The following NYAP2 variants were observed in gnomAD, a reference collection of about 807,000 sequenced individuals.
NYAP2 encodes the protein neuronal tyrosine-phosphorylated phosphoinositide-3-kinase adaptor 2, also known as neuronal tyrosine-phosphorylated phosphoinositide-3-kinase adapter 2.
Under a neutral mutation model 50.4 loss-of-function variants are expected in NYAP2, and 23 were observed. The observed-to-expected ratio is 0.46, with a 90% CI of 0.33 to 0.65. The LOEUF is 0.65. Ranked by LOEUF, NYAP2 falls within the 30% of genes least tolerant of loss-of-function variation. NYAP2 has a pLI of 0.02. For missense variants in NYAP2, 885 were observed against 861.0 expected, an observed-to-expected ratio of 1.03 and a Z score of -0.35; for synonymous variants, 394 against 365.2, an observed-to-expected ratio of 1.08 and a Z score of -0.90.
intron 3 of NYAP2, among the ~76,000 whole-genome samples, chr2:225,480,759 T>C (rs1267607128): frequency 6.6e-6 from 1 of 152,136 alleles, no homozygotes; most frequent in Admixed American, 6.5e-5. Context: ...AAAACTTGTA[T>C]ACTATGATCT....
intron 4 of NYAP2, among the ~76,000 whole-genome samples, chr2:225,549,806 A>AC (rs1254625914): frequency 1.3e-5 from 2 of 151,552 alleles, no homozygotes; most frequent in Non-Finnish European, 2.9e-5. Context: ...ACATGGTGAA[A>AC]CCCCCCTGTT....
chr2:225,685,167 GAGTATT>G, the NYAP2 span, among the ~76,000 whole-genome samples: 1 of 152,146 alleles, frequency 6.6e-6, no homozygotes, highest in Admixed American at 6.5e-5. Flanking sequence ...GTCTGTTCTT[GAGTATT>G]AGTATGTTTT....
At chr2:225,444,839 ATG>A (rs1465608656) in intron 3 of NYAP2, among the ~76,000 whole-genome samples, 4 of 152,240 alleles carry the variant, frequency 2.6e-5, no homozygotes, top group Non-Finnish European at 5.9e-5. Context: ...ATATAATAGC[ATG>A]TTAAAAGACA....
chr2:225,477,526 G>A (rs1343352079), intron 3 of NYAP2, among the ~76,000 whole-genome samples: 3 of 151,862 alleles, frequency 2.0e-5, no homozygotes, highest in Non-Finnish European at 4.4e-5. Flanking sequence ...GTGAGCCACC[G>A]TGCCCGGCCG....
intron 3 of NYAP2, among the ~76,000 whole-genome samples, chr2:225,459,551 G>A (rs1689791058): frequency 6.6e-6 from 1 of 152,082 alleles, no homozygotes; most frequent in Non-Finnish European, 1.5e-5. Flanking sequence ...GAATAATTAA[G>A]CATATATACA....
chr2:225,500,542 A>C (rs1690587153), intron 3 of NYAP2, among the ~76,000 whole-genome samples: 1 of 152,200 alleles, frequency 6.6e-6, no homozygotes, highest in Non-Finnish European at 1.5e-5. Flanking sequence ...CTGTGCTCAA[A>C]TATTTTCAAT....
At chr2:225,608,490 A>C (rs1429086402) in intron 5 of NYAP2, among the ~76,000 whole-genome samples, 1 of 152,122 alleles carries the variant, frequency 6.6e-6, no homozygotes, top group Non-Finnish European at 1.5e-5. Context: ...GTAGCCTGCC[A>C]CTTAAAACAT....
intron 3 of NYAP2, among the ~76,000 whole-genome samples, chr2:225,452,560 G>A (rs761607346): frequency 1.3e-5 from 2 of 152,044 alleles, no homozygotes; most frequent in Non-Finnish European, 2.9e-5. Flanking sequence ...TTACCACTTA[G>A]GGCCTCAATA....
chr2:225,647,666 A>T (rs1345632580), intron 6 of NYAP2, among the ~76,000 whole-genome samples: 1 of 152,160 alleles, frequency 6.6e-6, no homozygotes, highest in Non-Finnish European at 1.5e-5. Context: ...GAGTATCTTC[A>T]GTGAAAGAAA....
At chr2:225,506,015 C>T (rs770972662) in intron 3 of NYAP2, among the ~76,000 whole-genome samples, 1 of 151,538 alleles carries the variant, frequency 6.6e-6, no homozygotes, top group Non-Finnish European at 1.5e-5. Flanking sequence ...GGTGATCCAA[C>T]GTTTGTTTGG....
At chr2:225,569,437 G>GA (rs981914845) in intron 4 of NYAP2, among the ~76,000 whole-genome samples, 55 of 151,560 alleles carry the variant, frequency 3.6e-4, no homozygotes, top group African/African-American at 1.3e-3. Flanking sequence ...AAGGAGGAGT[G>GA]AGGGGGGGAG....
chr2:225,458,398 A>G (rs186761212), intron 3 of NYAP2, among the ~76,000 whole-genome samples: 1 of 152,366 alleles, frequency 6.6e-6, no homozygotes, highest in Non-Finnish European at 1.5e-5. Flanking sequence ...GTCAGAATCT[A>G]TAGATAAAAT....
chr2:225,621,844 CA>C (rs1693109566), intron 5 of NYAP2, among the ~76,000 whole-genome samples: 1 of 151,972 alleles, frequency 6.6e-6, no homozygotes, highest in Admixed American at 6.6e-5. Context: ...CTTCCAGTAG[CA>C]ATAAACCCTT....
chr2:225,410,804 T>C (rs1517505), intron 3 of NYAP2, among the ~76,000 whole-genome samples: 120,348 of 151,924 alleles, frequency 0.79, 47,863 homozygotes, highest in Non-Finnish European at 0.82. Context: ...AACTGTCAAG[T>C]GTTCAAAAAG....
At chr2:225,473,724 A>C (rs1215812532) in intron 3 of NYAP2, among the ~76,000 whole-genome samples, 3 of 152,164 alleles carry the variant, frequency 2.0e-5, no homozygotes, top group African/African-American at 4.8e-5. Flanking sequence ...TTGTCAGATG[A>C]GTAGATTGCA....
At chr2:225,468,263 C>T (rs1051037523) in intron 3 of NYAP2, among the ~76,000 whole-genome samples, 2 of 152,034 alleles carry the variant, frequency 1.3e-5, no homozygotes, top group Non-Finnish European at 2.9e-5. Flanking sequence ...GAGACAGACA[C>T]GAAGAGGAAA....
chr2:225,512,450 C>T (rs1438640756), intron 3 of NYAP2, among the ~76,000 whole-genome samples: 1 of 152,046 alleles, frequency 6.6e-6, no homozygotes, highest in African/African-American at 2.4e-5. Context: ...CCAATTTAAG[C>T]AAATATTTTC....
At chr2:225,539,356 T>C (rs1037048883) in intron 4 of NYAP2, among the ~76,000 whole-genome samples, 6 of 152,212 alleles carry the variant, frequency 3.9e-5, no homozygotes, top group African/African-American at 1.4e-4. Context: ...TTTGGGTATA[T>C]ACCCAGTAAT....
At chr2:225,622,571 CTTTCTTTCTTCTTTCTTTT>C (rs1693136622) in intron 5 of NYAP2, among the ~76,000 whole-genome samples, 1 of 57,062 alleles carries the variant, frequency 1.8e-5, no homozygotes. Context: ...TTCTTTCTTT[CTTTCTTTCTTCTTTCTTTT>C]TTTTTTTTAG....
Sources: gnomAD v4.1 joint callset for allele counts (sites outside exome capture counted in the v4.1 genomes callset) on GRCh38, gnomAD v4.1.1 for gene constraint, MANE v1.5 for transcripts, NCBI Gene and HGNC (gene_info 2026-07-23, HGNC 2026-07-21) for gene names.